Variants in VPS54 observed in about 807,000 individuals in gnomAD.
VPS54 encodes the protein vacuolar protein sorting-associated protein 54.
In VPS54, 45 loss-of-function variants were observed where a neutral mutation model predicts 121.5. The ratio of observed to expected loss-of-function variants is 0.37; its 90% CI spans 0.29 to 0.47. The LOEUF (loss-of-function observed/expected upper bound fraction) is 0.47. Ranked by LOEUF, VPS54 falls within the 20% of genes least tolerant of loss-of-function variation. The pLI is 0.99. For synonymous variants in VPS54, 371 were observed against 385.8 expected, an observed-to-expected ratio of 0.96 and a Z score of 0.45; for missense variants, 1,090 against 1,131.4, an observed-to-expected ratio of 0.96 and a Z score of 0.52.
intron 1 of VPS54, among the ~76,000 whole-genome samples, chr2:64,002,063 G>A (rs1467884478): frequency 2.0e-5 from 3 of 152,192 alleles, no homozygotes; most frequent in Non-Finnish European, 4.4e-5. Context: ...GGGCTGGTCT[G>A]AATGCTCCCT....
In VPS54 at chr2:63,912,513, G is replaced by A. The variant is rs571291727; in HGVS notation, c.2544+27C>T. 2.0e-5 allele frequency: 33 copies of A among 1,611,318 alleles called. No homozygotes were observed. In the Admixed American group the frequency reaches 3.2e-4, roughly 16 times the overall value. On this transcript the variant is annotated intron_variant, in intron 19 of 22. Transcript: ENST00000272322. Reference sequence around the variant, plus strand: ...AATTAAGGATCTAAACTTATGAAACGCCAATAGAAAATATATGAAAAAGTA... The same window carrying A: ...AATTAAGGATCTAAACTTATGAAACACCAATAGAAAATATATGAAAAAGTA...
intron 11 of VPS54, among the ~76,000 whole-genome samples, chr2:63,940,963 T>C (rs1674695917): frequency 1.3e-5 from 2 of 152,214 alleles, no homozygotes; most frequent in Admixed American, 6.5e-5. Flanking sequence ...TCCCACTCTA[T>C]AAAACTTTTG....
rs554945445 is a variant in VPS54, at chr2:63,909,507, C to T, written c.2625+2838G>A. 1.8e-4 allele frequency among the ~76,000 whole-genome samples: 27 copies of T among 147,170 alleles called. No individual in the cohort carries two copies. In the East Asian group the frequency reaches 4.4e-3, roughly 24 times the overall value. On this transcript the variant is annotated intron_variant, in intron 20 of 22. Transcript: ENST00000272322. Reference sequence around the variant, plus strand: ...CGTGATCTTGGCTCACTGCAACCTCCGCCTCGTGGGTTCAAGCAATTCTCT... The same window carrying T: ...CGTGATCTTGGCTCACTGCAACCTCTGCCTCGTGGGTTCAAGCAATTCTCT...
chr2:63,936,547 C>T (rs1052645796), intron 11 of VPS54, among the ~76,000 whole-genome samples: 2 of 152,068 alleles, frequency 1.3e-5, no homozygotes. Context: ...TCTGAAATGA[C>T]AGACTAGGAT....
Position 63,918,606 on chromosome 2 carries a change from A to G in VPS54, c.2164+1277T>C, listed in dbSNP as rs1673492355. Among the ~76,000 whole-genome samples, 3 of 151,936 alleles carry G rather than the reference A, an allele frequency of 2.0e-5. No individual in the cohort carries two copies. The South Asian group carries it at 6.2e-4, about 31-fold the overall frequency. On this transcript the variant is annotated intron_variant, in intron 15 of 22. Coordinates refer to ENST00000272322, the MANE Select transcript of VPS54 (RefSeq NM_016516.3). ...TATTAAAAACTGTCATATGACAAAA[A>G]TTTACTTAATTCCTTCAATTTTTCT... is the stretch of plus-strand genomic sequence containing the variant.
chr2:64,012,921 C>T (rs1299437056), intron 1 of VPS54, among the ~76,000 whole-genome samples: 1 of 152,128 alleles, frequency 6.6e-6, no homozygotes. Context: ...TTTATCTAAC[C>T]TGACCTCAAT....
At chr2:63,921,407 T>C in intron 12 of VPS54, 72 bp from the exon 13 acceptor site, 1 of 1,490,080 alleles carries the variant, frequency 6.7e-7, no homozygotes, top group East Asian at 2.3e-5. Flanking sequence ...GACCTATCAA[T>C]AAAAAGGATG....
intron 13 of VPS54, 58 bp downstream of exon 13, chr2:63,921,148 T>C: frequency 6.6e-7 from 1 of 1,525,606 alleles, no homozygotes; most frequent in South Asian, 1.3e-5. Context: ...AAAGACATAA[T>C]TCCAGATCTT....
At chr2:63,941,926 C>T (rs534356713) in intron 11 of VPS54, among the ~76,000 whole-genome samples, 3 of 149,380 alleles carry the variant, frequency 2.0e-5, no homozygotes, top group East Asian at 3.9e-4. Context: ...CCTAGCTACT[C>T]GGGAGGCTGA....
At chr2:64,014,282 C>T (rs10221964) in intron 1 of VPS54, among the ~76,000 whole-genome samples, 152,309 of 152,350 alleles carry the variant, frequency 1, 76,134 homozygotes, top group Middle Eastern at 1. Context: ...CAAATAACGA[C>T]AGCATACTCT....
rs147697178 is a variant in VPS54, at chr2:63,958,060, A to G, written c.1010+3998T>C. 8.2e-3 allele frequency among the ~76,000 whole-genome samples: 1,248 copies of G among 152,336 alleles called. 12 individuals are homozygous for G. Among genetic ancestry groups the G allele is most frequent in the South Asian group, 0.028 (137 of 4,830 alleles). On this transcript the variant is annotated intron_variant, in intron 7 of 22. Coordinates refer to ENST00000272322, the MANE Select transcript of VPS54 (RefSeq NM_016516.3). ...AAAAAAAGAGTGGAATAAAGTGTCA[A>G]GATACATTTGGTAATATACTGAATA...
At chr2:63,936,126 T>C (rs1164777408) in intron 11 of VPS54, among the ~76,000 whole-genome samples, 1 of 152,186 alleles carries the variant, frequency 6.6e-6, no homozygotes, top group Non-Finnish European at 1.5e-5. Context: ...ACATTCCTTG[T>C]ACTGTTTAAA....
At chr2:63,948,146 A>G (rs1405253628) in intron 8 of VPS54, among the ~76,000 whole-genome samples, 9 of 152,134 alleles carry the variant, frequency 5.9e-5, no homozygotes, top group Admixed American at 5.2e-4. Flanking sequence ...TTTGTAATGC[A>G]TAGTCTAGAA....
intron 16 of VPS54, among the ~76,000 whole-genome samples, chr2:63,916,115 C>T (rs1482534083): frequency 6.6e-6 from 1 of 152,114 alleles, no homozygotes. Flanking sequence ...ACTTGAACCA[C>T]TTAATCTTCT....
chr2:63,935,747 T>G (rs992657937), intron 11 of VPS54, among the ~76,000 whole-genome samples: 6 of 152,136 alleles, frequency 3.9e-5, no homozygotes, highest in Non-Finnish European at 7.4e-5. Flanking sequence ...AAACTAATAA[T>G]CAGTGCACAG....
intron 4 of VPS54, among the ~76,000 whole-genome samples, chr2:63,970,282 T>C (rs1256649833): frequency 1.4e-5 from 2 of 144,998 alleles, no homozygotes; most frequent in African/African-American, 5.1e-5. Flanking sequence ...TAGATATATA[T>C]AGATATATAT....
At chr2:63,894,614 G>A (rs1270937959) in intron 22 of VPS54, among the ~76,000 whole-genome samples, 1 of 151,574 alleles carries the variant, frequency 6.6e-6, no homozygotes, top group Admixed American at 6.6e-5. Context: ...GCAGTGGGAG[G>A]ATTGCTTGAG....
At chr2:63,923,162 A>G (rs1673726212) in intron 12 of VPS54, among the ~76,000 whole-genome samples, 1 of 152,004 alleles carries the variant, frequency 6.6e-6, no homozygotes, top group South Asian at 2.1e-4. Context: ...AAAAACGCAA[A>G]AAAATTAGCC....
At chr2:63,936,690 G>A (rs747234156) in intron 11 of VPS54, among the ~76,000 whole-genome samples, 54 of 152,118 alleles carry the variant, frequency 3.5e-4, no homozygotes, top group Non-Finnish European at 5.7e-4. Flanking sequence ...CAATAAACAA[G>A]AATTTAATAA....
Sources: allele counts gnomAD v4.1 joint callset (sites outside exome capture counted in the v4.1 genomes callset), GRCh38; gene constraint gnomAD v4.1.1; transcripts MANE v1.5; gene names NCBI Gene and HGNC (gene_info 2026-07-23, HGNC 2026-07-21).